Variants in ANK3 observed in about 807,000 individuals in gnomAD.
ANK3 encodes the protein ankyrin-3.
A neutral mutation model predicts 370.9 loss-of-function variants in ANK3; 57 were observed. The ratio of observed to expected loss-of-function variants is 0.15; its 90% CI spans 0.12 to 0.19. The LOEUF (loss-of-function observed/expected upper bound fraction) is 0.19. Among genes scored for constraint, ANK3 ranks in the 10% least tolerant of loss-of-function variants. ANK3 has a pLI of 1.00. For missense variants in ANK3, 4,439 were observed against 5,302.1 expected, an observed-to-expected ratio of 0.84 and a Z score of 5.06; for synonymous variants, 1,929 against 1,946.3, an observed-to-expected ratio of 0.99 and a Z score of 0.23.
At chr10:60,157,930 G>C (rs561207090) in intron 23 of ANK3, among the ~76,000 whole-genome samples, 1 of 149,998 alleles carries the variant, frequency 6.7e-6, no homozygotes, top group Non-Finnish European at 1.5e-5. Flanking sequence ...GAGAGGCAGC[G>C]GCAGGGAAGG....
At chr10:60,708,040 T>C (rs2079645102) in intron 1 of ANK3, among the ~76,000 whole-genome samples, 2 of 152,164 alleles carry the variant, frequency 1.3e-5, no homozygotes, top group Admixed American at 6.5e-5. Flanking sequence ...GCAAAGGACA[T>C]GAACTTCCCA....
At chr10:60,318,603 G>A (rs1230563993) in intron 1 of ANK3, among the ~76,000 whole-genome samples, 1 of 152,126 alleles carries the variant, frequency 6.6e-6, no homozygotes, top group Admixed American at 6.5e-5. Context: ...CTGAACTCTG[G>A]GAAGCAGAGT....
intron 1 of ANK3, among the ~76,000 whole-genome samples, chr10:60,651,508 A>G (rs1238627785): frequency 6.6e-6 from 1 of 152,224 alleles, no homozygotes; most frequent in Non-Finnish European, 1.5e-5. Flanking sequence ...GTAAAATGCA[A>G]ATGAACTTCA....
intron 5 of ANK3, among the ~76,000 whole-genome samples, chr10:60,269,818 A>G (rs908253828): frequency 7.2e-5 from 11 of 152,148 alleles, no homozygotes; most frequent in African/African-American, 2.4e-4. Context: ...CTCCAAAACA[A>G]TGATTGCCTT....
At chr10:60,661,199 C>A (rs1422518366) in intron 1 of ANK3, among the ~76,000 whole-genome samples, 1 of 149,436 alleles carries the variant, frequency 6.7e-6, no homozygotes, top group East Asian at 2.0e-4. Context: ...GGAACCATAA[C>A]CAGTATCTAG....
In ANK3 at chr10:60,074,926, A is replaced by C; in HGVS notation, c.5955T>G (p.Pro1985=). 6.2e-7 allele frequency: 1 copy of C among 1,614,136 alleles called. No individual in the cohort carries two copies. Among genetic ancestry groups the C allele is most frequent in the Non-Finnish European group, 8.5e-7 (1 of 1,180,014 alleles). Residue 1985 remains proline (P), a synonymous_variant, in exon 37 of 44, where the codon CCT becomes CCG. Transcript: ENST00000280772. Reference sequence around the variant, plus strand: ...AACTAAATTCTATCCAGTCATCTTCAGGAGAGTGTCCTTTGTCACTCTTTG... The same window carrying C: ...AACTAAATTCTATCCAGTCATCTTCCGGAGAGTGTCCTTTGTCACTCTTTG... ...KSPKSDKGHS[P]EDDWIEFSSE...
chr10:60,119,726 C>T (rs536905732), intron 25 of ANK3, among the ~76,000 whole-genome samples: 11 of 152,184 alleles, frequency 7.2e-5, no homozygotes, highest in Admixed American at 1.3e-4. Context: ...GAGCCGAGAT[C>T]GTGCCGTTGC....
At chr10:60,463,455 G>A (rs1052849242) in intron 2 of ANK3, among the ~76,000 whole-genome samples, 4 of 152,190 alleles carry the variant, frequency 2.6e-5, no homozygotes, top group Admixed American at 1.3e-4. Flanking sequence ...CCTCTGGCAT[G>A]TTTTTGTAAA....
chr10:60,053,822 G>C (rs1481160072), intron 42 of ANK3: 1 of 1,000,354 alleles, frequency 1.0e-6, no homozygotes, highest in Non-Finnish European at 1.4e-6. Flanking sequence ...AGCCACAAAC[G>C]ATACATCCTA....
chr10:60,392,473 T>C (rs1184928280), upstream of ANK3, among the ~76,000 whole-genome samples: 1 of 152,136 alleles, frequency 6.6e-6, no homozygotes, highest in Non-Finnish European at 1.5e-5. Context: ...GATGCAAACA[T>C]GGCCTTAGAG....
chr10:60,580,957 T>C (rs1410396418), intron 2 of ANK3, among the ~76,000 whole-genome samples: 2 of 152,220 alleles, frequency 1.3e-5, no homozygotes, highest in Non-Finnish European at 2.9e-5. Flanking sequence ...TTTTATCGTC[T>C]TTGAAAATGC....
chr10:60,650,366 C>CAA (rs869281312), intron 1 of ANK3, among the ~76,000 whole-genome samples: 36 of 27,208 alleles, frequency 1.3e-3, no homozygotes, highest in Non-Finnish European at 1.8e-3. Flanking sequence ...TACTACTTTA[C>CAA]AAAAAAAAAA....
intron 5 of ANK3, among the ~76,000 whole-genome samples, chr10:60,267,069 T>C (rs1457769698): frequency 2.0e-5 from 3 of 152,320 alleles, no homozygotes; most frequent in South Asian, 2.1e-4. Flanking sequence ...TCTTGCTACA[T>C]ATATACAAGA....
chr10:60,422,448 G>A (rs980086593), intron 2 of ANK3, among the ~76,000 whole-genome samples: 4 of 152,052 alleles, frequency 2.6e-5, no homozygotes, highest in Non-Finnish European at 4.4e-5. Flanking sequence ...CAAGTTCATT[G>A]AAGTAATCAT....
In ANK3 at chr10:60,263,879, C is replaced by A. The variant is rs2097844113; in HGVS notation, c.655G>T (p.Ala219Ser). 6.2e-7 allele frequency: 1 copy of A among 1,614,092 alleles called. No individual in the cohort carries two copies. The highest frequency in any genetic ancestry group is 8.5e-7 in the Non-Finnish European group (1 of 1,180,018). ...TTGTTGTCATTCTGCAGCAGCAGGGCGGCGGCTTTCGTGTCGTCTTTTCGG... is the reference window on the plus strand; with the variant it reads ...TTGTTGTCATTCTGCAGCAGCAGGGAGGCGGCTTTCGTGTCGTCTTTTCGG... ...AARKDDTKAA[A>S]LLLQNDNNAD... Residue 219 changes from alanine to serine, a missense_variant, in exon 6 of 44, where the codon GCC (alanine) becomes TCC (serine). This residue lies in a region of ANK3 where 136 missense variants were observed against 230.5 expected (regional missense o/e 0.59). Transcript: ENST00000280772.
chr10:60,237,893 C>T (rs2132547810), intron 7 of ANK3, among the ~76,000 whole-genome samples: 1 of 152,246 alleles, frequency 6.6e-6, no homozygotes, highest in South Asian at 2.1e-4. Context: ...GAAAGTGAGG[C>T]ACAGAACTGG....
chr10:60,526,200 C>G (rs887384423), intron 2 of ANK3, among the ~76,000 whole-genome samples: 5 of 152,086 alleles, frequency 3.3e-5, no homozygotes, highest in Admixed American at 2.0e-4. Context: ...TCTTCACACA[C>G]AGTTGACAGA....
intron 2 of ANK3, among the ~76,000 whole-genome samples, chr10:60,546,632 T>C (rs937017116): frequency 6.6e-6 from 1 of 152,192 alleles, no homozygotes; most frequent in Admixed American, 6.5e-5. Context: ...TCCTGCAATT[T>C]CACTTCCTTT....
chr10:60,114,664 AT>A (rs527743149), intron 25 of ANK3, among the ~76,000 whole-genome samples: 1 of 152,070 alleles, frequency 6.6e-6, no homozygotes, highest in African/African-American at 2.4e-5. Context: ...AACAACTGTA[AT>A]TTTTTTTCCC....
Sources: gnomAD v4.1 joint callset for allele counts (sites outside exome capture counted in the v4.1 genomes callset) on GRCh38, gnomAD v4.1.1 for gene constraint, gnomAD v4.1.1 regional missense constraint, MANE v1.5 for transcripts, NCBI Gene and HGNC (gene_info 2026-07-23, HGNC 2026-07-21) for gene names.